The following B3GAT2 variants were observed in gnomAD, a reference collection of about 807,000 sequenced individuals.
B3GAT2 encodes the protein beta-1,3-glucuronyltransferase 2, also known as galactosylgalactosylxylosylprotein 3-beta-glucuronosyltransferase 2.
In B3GAT2, 26 loss-of-function variants were observed where a neutral mutation model predicts 27.8. That is an observed-to-expected ratio of 0.93 (90% CI 0.68 to 1.30). The LOEUF is 1.30. Ranked by LOEUF, B3GAT2 falls within the 50% of genes most tolerant of loss-of-function variation. The probability of loss-of-function intolerance (pLI) is 0.00; values close to 1 mark genes in which losing one functional copy is unlikely to be tolerated. For synonymous variants in B3GAT2, 218 were observed against 195.1 expected (o/e 1.12, Z -0.98); for missense variants, 458 against 459.0 (o/e 1.00, Z 0.02).
rs573810725 is a variant in B3GAT2, at chr6:70,861,334, T to C, written c.*329A>G. The C allele has an allele frequency of 1.3e-5, 3 of 232,618 alleles. No homozygotes were observed. The highest frequency in any genetic ancestry group is 2.6e-5 in the Non-Finnish European group (3 of 117,428). The allele number at this position is 232,618 out of a possible 1,614,324, so 14.4% of individuals were successfully genotyped here. ...TACCAACCTGTTCAAGTCTACCAAT[T>C]ATAAGGGCAAATTGGAGAAAAAGAA... On this transcript the variant is annotated 3_prime_UTR_variant, in exon 4 of 4. Coordinates refer to ENST00000230053, the MANE Select transcript of B3GAT2 (RefSeq NM_080742.3).
chr6:70,936,460 GCAC>G (rs1316407962), intron 1 of B3GAT2, among the ~76,000 whole-genome samples: 5 of 151,250 alleles, frequency 3.3e-5, no homozygotes, highest in African/African-American at 1.2e-4. Flanking sequence ...ATTTTTTTCA[GCAC>G]CACACCACAC....
At chr6:70,887,786 G>C (rs1772213399) in intron 2 of B3GAT2, among the ~76,000 whole-genome samples, 1 of 152,198 alleles carries the variant, frequency 6.6e-6, no homozygotes, top group Non-Finnish European at 1.5e-5. Context: ...GCTGAGATTT[G>C]AAGGATGAGT....
intron 1 of B3GAT2, among the ~76,000 whole-genome samples, chr6:70,918,268 T>A (rs1182739493): frequency 2.0e-5 from 3 of 152,318 alleles, no homozygotes; most frequent in East Asian, 1.9e-4. Context: ...TCTTCTTCCA[T>A]CACTTTATTT....
At chr6:70,947,367 C>A (rs572762884) in intron 1 of B3GAT2, among the ~76,000 whole-genome samples, 1 of 152,018 alleles carries the variant, frequency 6.6e-6, no homozygotes, top group Admixed American at 6.6e-5. Context: ...AGAGAAAAAT[C>A]AAATAGACAC....
intron 2 of B3GAT2, among the ~76,000 whole-genome samples, chr6:70,883,234 A>G (rs1485836717): frequency 1.3e-5 from 2 of 152,226 alleles, no homozygotes; most frequent in Admixed American, 1.3e-4. Flanking sequence ...GACATCCAAA[A>G]GAATCTAAAG....
intron 1 of B3GAT2, among the ~76,000 whole-genome samples, chr6:70,898,124 G>T (rs1772425265): frequency 6.6e-6 from 1 of 152,062 alleles, no homozygotes. Context: ...ATGAATTTCA[G>T]AGTCAGTTGG....
At chr6:70,888,959 C>CATTT (rs1249102663) in intron 2 of B3GAT2, among the ~76,000 whole-genome samples, 3 of 152,166 alleles carry the variant, frequency 2.0e-5, no homozygotes. Flanking sequence ...CATTTTCGAC[C>CATTT]CCACGATGTA....
At chr6:70,877,432 G>A (rs1268028476) in intron 2 of B3GAT2, among the ~76,000 whole-genome samples, 1 of 152,108 alleles carries the variant, frequency 6.6e-6, no homozygotes, top group South Asian at 2.1e-4. Flanking sequence ...GCAGAGCTAT[G>A]GGTTCTTCCT....
intron 1 of B3GAT2, among the ~76,000 whole-genome samples, chr6:70,916,770 T>C (rs534998878): frequency 6.6e-6 from 1 of 152,184 alleles, no homozygotes; most frequent in Non-Finnish European, 1.5e-5. Context: ...TGGATAAGCT[T>C]TTTGATGGGC....
chr6:70,920,574 A>G lies in B3GAT2; in HGVS notation c.592-26302T>C, dbSNP rs186927982. The stretch of plus-strand genomic sequence containing the variant: ...TTTGGAGCAACTCTCCATGTGTCTT[A>G]TTTCTTTATCAAATTTGCCATTCTG... On this transcript the variant is annotated intron_variant, in intron 1 of 3. Coordinates refer to ENST00000230053, the MANE Select transcript of B3GAT2 (RefSeq NM_080742.3). Among the ~76,000 whole-genome samples, 14 of 152,020 alleles carry G rather than the reference A, an allele frequency of 9.2e-5. No homozygotes were observed. In the East Asian group the frequency reaches 2.7e-3, roughly 29 times the overall value.
intron 1 of B3GAT2, among the ~76,000 whole-genome samples, chr6:70,901,880 G>A (rs1772505070): frequency 6.6e-6 from 1 of 152,164 alleles, no homozygotes; most frequent in Non-Finnish European, 1.5e-5. Flanking sequence ...AGTGTGAAAA[G>A]TATGTGTATA....
intron 2 of B3GAT2, among the ~76,000 whole-genome samples, chr6:70,866,703 G>A (rs1771856514): frequency 6.6e-6 from 1 of 152,112 alleles, no homozygotes; most frequent in Non-Finnish European, 1.5e-5. Flanking sequence ...CAGAGTCAAA[G>A]GTGAATGAAT....
At chr6:70,898,963 A>AAAT (rs1772442203) in intron 1 of B3GAT2, among the ~76,000 whole-genome samples, 6 of 149,530 alleles carry the variant, frequency 4.0e-5, no homozygotes, top group Non-Finnish European at 8.9e-5. Flanking sequence ...ACCCTGGCTC[A>AAAT]AAATAAATAA....
At chr6:70,869,168 C>A (rs1424033184) in intron 2 of B3GAT2, among the ~76,000 whole-genome samples, 1 of 152,134 alleles carries the variant, frequency 6.6e-6, no homozygotes, top group Admixed American at 6.5e-5. Flanking sequence ...CAGTACCACA[C>A]TGTATTACTG....
chr6:70,952,054 C>A (rs1765586497), intron 1 of B3GAT2, among the ~76,000 whole-genome samples: 1 of 151,956 alleles, frequency 6.6e-6, no homozygotes, highest in South Asian at 2.1e-4. Flanking sequence ...GATTATGACT[C>A]CAATAAGCAG....
intron 1 of B3GAT2, among the ~76,000 whole-genome samples, chr6:70,931,632 G>A (rs1221741693): frequency 2.6e-5 from 4 of 152,062 alleles, no homozygotes; most frequent in African/African-American, 9.7e-5. Flanking sequence ...GAAAAAAACT[G>A]GATATTCCCA....
intron 1 of B3GAT2, among the ~76,000 whole-genome samples, chr6:70,936,942 T>C (rs1243053186): frequency 6.6e-6 from 1 of 151,430 alleles, no homozygotes; most frequent in Non-Finnish European, 1.5e-5. Context: ...AAAAAACCCT[T>C]CAAAAAATTA....
rs1451232846 is a variant in B3GAT2 at position 70,956,301 on chromosome 6, G to A, written c.129C>T (p.Tyr43=). 1 of 1,599,054 alleles carries A rather than the reference G, an allele frequency of 6.3e-7. No homozygotes were observed. Residue 43 remains tyrosine, a synonymous_variant, in exon 1 of 4, where the codon TAC becomes TAT. Transcript: ENST00000230053. Reference sequence around the variant, plus strand: ...GTCGGGCGCCCCCGCGGCCCACCGCGTAGGGAGAGAAGTAGGGGCGCGGGG... The same window carrying A: ...GTCGGGCGCCCCCGCGGCCCACCGCATAGGGAGAGAAGTAGGGGCGCGGGG... The part of the protein sequence containing the change: ...PLTPRPYFSP[Y]AVGRGGARLP...
At chr6:70,946,364 C>A (rs1049989096) in intron 1 of B3GAT2, among the ~76,000 whole-genome samples, 3 of 151,408 alleles carry the variant, frequency 2.0e-5, no homozygotes, top group Non-Finnish European at 4.4e-5. Flanking sequence ...CACATAGGCT[C>A]AAAATAAAAG....
Sources: gnomAD v4.1 joint callset for allele counts (sites outside exome capture counted in the v4.1 genomes callset) on GRCh38, gnomAD v4.1.1 for gene constraint, MANE v1.5 for transcripts, NCBI Gene and HGNC (gene_info 2026-07-23, HGNC 2026-07-21) for gene names.